The following GPAM variants were observed in gnomAD, a reference collection of about 807,000 sequenced individuals.
GPAM encodes glycerol-3-phosphate acyltransferase, mitochondrial.
GPAM carries 56 observed loss-of-function variants against 105.0 expected under a neutral mutation model. That is an observed-to-expected ratio of 0.53 (90% CI 0.43 to 0.67). The LOEUF (loss-of-function observed/expected upper bound fraction) is 0.67. Ranked by LOEUF, GPAM falls within the 30% of genes least tolerant of loss-of-function variation. The pLI is 0.00. For missense variants in GPAM, 855 were observed against 989.8 expected, an observed-to-expected ratio of 0.86 and a Z score of 1.83; for synonymous variants, 368 against 354.4, an observed-to-expected ratio of 1.04 and a Z score of -0.43.
rs963936075 is a variant in GPAM at position 112,150,056 on chromosome 10, T to A, written c.*3494A>T. The A allele has an allele frequency of 2.2e-5, 22 of 984,986 alleles. No homozygotes were observed. The highest frequency in any genetic ancestry group is 2.5e-5 in the Non-Finnish European group (21 of 829,508). The allele number at this position is 984,986 out of a possible 1,614,324, so 61.0% of individuals were successfully genotyped here. On this transcript the variant is annotated 3_prime_UTR_variant, in exon 22 of 22. Transcript: ENST00000348367. ...TTTGTACAACAGGCAAATAGTTTAA[T>A]ACCTTCCATCAAGACATTTCAGAGC...
chr10:112,152,145 T>C lies in GPAM; in HGVS notation c.*1405A>G, dbSNP rs749559842. On this transcript the variant is annotated 3_prime_UTR_variant, in exon 22 of 22. Coordinates refer to ENST00000348367, the MANE Select transcript of GPAM (RefSeq NM_001244949.2). Reference sequence around the variant, plus strand: ...ACAAACTTAATTCTCAGTACTTTTATACTAAATTCAAAGAATCTATGTAAC... The same window carrying C: ...ACAAACTTAATTCTCAGTACTTTTACACTAAATTCAAAGAATCTATGTAAC... 2.3e-4 allele frequency: 222 copies of C among 972,946 alleles called. No individual in the cohort carries two copies. Among genetic ancestry groups the C allele is most frequent in the Non-Finnish European group, 2.6e-4 (214 of 818,746 alleles). The allele number at this position is 972,946 out of a possible 1,614,324, so 60.3% of individuals were successfully genotyped here. A position where few individuals can be genotyped will look rare whatever the true frequency, so the allele number is the denominator to read the frequency against.
At chr10:112,210,212 C>T (rs1449628560) in intron 1 of GPAM, among the ~76,000 whole-genome samples, 2 of 152,212 alleles carry the variant, frequency 1.3e-5, no homozygotes. Flanking sequence ...CTCTTACGAG[C>T]TGTTGGGGGT....
At position 112,181,755 on chromosome 10, in the gene GPAM, T is replaced by A. The variant is rs766279613; in HGVS notation, c.30A>T (p.Thr10=). 1 of 1,608,348 alleles carries A rather than the reference T, an allele frequency of 6.2e-7. No homozygotes were observed. Among genetic ancestry groups the A allele is most frequent in the Non-Finnish European group, 8.5e-7 (1 of 1,174,844 alleles). ...AATGTGGCAGATAAGAAACATCTAT[T>A]GTACCAAGGGTCAGTGCAGATTCAT... MDESALTLG[T]IDVSYLPHSS... Residue 10 remains threonine, a synonymous_variant, in exon 3 of 22, where the codon ACA becomes ACT. Coordinates refer to ENST00000348367, the MANE Select transcript of GPAM (RefSeq NM_001244949.2).
At chr10:112,226,135 T>G in the GPAM span, among the ~76,000 whole-genome samples, 1 of 152,152 alleles carries the variant, frequency 6.6e-6, no homozygotes, top group Non-Finnish European at 1.5e-5. Flanking sequence ...TAGCTTGCAA[T>G]GTAGTTTAGC....
At chr10:112,208,795 A>G (rs1254150092) in intron 1 of GPAM, among the ~76,000 whole-genome samples, 1 of 152,240 alleles carries the variant, frequency 6.6e-6, no homozygotes, top group Non-Finnish European at 1.5e-5. Flanking sequence ...ATCATTTGAT[A>G]AAAGAAGTAA....
At position 112,153,492 on chromosome 10, in the gene GPAM, T is replaced by G; in HGVS notation, c.*58A>C. 1.2e-6 allele frequency: 2 copies of G among 1,611,690 alleles called. No homozygotes were observed. Among genetic ancestry groups the G allele is most frequent in the Non-Finnish European group, 1.7e-6 (2 of 1,178,736 alleles). On this transcript the variant is annotated 3_prime_UTR_variant, in exon 22 of 22. Coordinates refer to ENST00000348367, the MANE Select transcript of GPAM (RefSeq NM_001244949.2). ...CACCTTCAACTCTTGAGCCAGAAGC[T>G]GGTACCTACAAGGAACTCATCTCAT... is the stretch of plus-strand genomic sequence containing the variant.
At chr10:112,201,322 T>C (rs1184597575) in intron 1 of GPAM, among the ~76,000 whole-genome samples, 2 of 152,146 alleles carry the variant, frequency 1.3e-5, no homozygotes, top group African/African-American at 4.8e-5. Context: ...AGAACAAATA[T>C]CATAGAATAA....
chr10:112,181,171 T>C (rs1331357153), intron 3 of GPAM, among the ~76,000 whole-genome samples: 1 of 151,412 alleles, frequency 6.6e-6, no homozygotes, highest in Non-Finnish European at 1.5e-5. Context: ...AGATATAACA[T>C]TCTCAAAATT....
chr10:112,204,109 C>T (rs1847832166), intron 1 of GPAM, among the ~76,000 whole-genome samples: 1 of 152,190 alleles, frequency 6.6e-6, no homozygotes, highest in African/African-American at 2.4e-5. Flanking sequence ...CGTGCCTAAT[C>T]AGTGCCTCCA....
the GPAM span, among the ~76,000 whole-genome samples, chr10:112,220,627 T>C: frequency 6.6e-6 from 1 of 152,142 alleles, no homozygotes; most frequent in African/African-American, 2.4e-5. Context: ...TTGTATGTCA[T>C]CACTTGAGTA....
intron 7 of GPAM, 127 bp downstream of exon 7, chr10:112,173,572 A>T: frequency 1.1e-6 from 1 of 942,980 alleles, no homozygotes; most frequent in Non-Finnish European, 1.7e-6. Context: ...AGTTTAATTT[A>T]ATATCAGGAT....
intron 1 of GPAM, among the ~76,000 whole-genome samples, chr10:112,206,819 T>TA (rs201322165): frequency 1.3e-3 from 145 of 112,994 alleles, no homozygotes; most frequent in East Asian, 5.9e-3. Flanking sequence ...TAAAGTATAA[T>TA]AAAAAAAAAA....
chr10:112,217,768 C>T (rs865984778), upstream of GPAM, among the ~76,000 whole-genome samples: 11 of 152,128 alleles, frequency 7.2e-5, no homozygotes, highest in African/African-American at 9.7e-5. Context: ...GAATCAGAAA[C>T]TTTAGAGTAA....
At chr10:112,153,809 G>A in intron 21 of GPAM, 143 bp from the exon 22 acceptor site, 1 of 797,862 alleles carries the variant, frequency 1.3e-6, no homozygotes, top group Non-Finnish European at 2.0e-6. Context: ...GTAAATGTAT[G>A]CCTGGGTGTG....
intron 1 of GPAM, among the ~76,000 whole-genome samples, chr10:112,191,157 T>G (rs1847653773): frequency 1.3e-5 from 2 of 152,176 alleles, no homozygotes; most frequent in African/African-American, 4.8e-5. Flanking sequence ...AGACATAGTG[T>G]TCAAAGAATG....
At chr10:112,216,993 C>T (rs1490684673), upstream of GPAM, among the ~76,000 whole-genome samples, 1 of 152,058 alleles carries the variant, frequency 6.6e-6, no homozygotes, top group African/African-American at 2.4e-5. Context: ...TATATAACGT[C>T]TCATTGAAAT....
intron 1 of GPAM, among the ~76,000 whole-genome samples, chr10:112,209,765 G>A (rs146773642): frequency 6.6e-6 from 1 of 152,286 alleles, no homozygotes; most frequent in African/African-American, 2.4e-5. Context: ...TCATTTCTAT[G>A]GCAACCATCC....
intron 17 of GPAM, among the ~76,000 whole-genome samples, chr10:112,159,503 G>A (rs887475941): frequency 1.2e-4 from 18 of 152,092 alleles, no homozygotes; most frequent in African/African-American, 4.3e-4. Context: ...GATTACAGGC[G>A]TGAGCCACCG....
chr10:112,175,472 T>C (rs1847385956), intron 6 of GPAM, 128 bp downstream of exon 6: 10 of 704,368 alleles, frequency 1.4e-5, no homozygotes, highest in East Asian at 1.3e-4. Flanking sequence ...CATTTAATGT[T>C]TGGAAATGTG....
Sources: allele counts gnomAD v4.1 joint callset (sites outside exome capture counted in the v4.1 genomes callset), GRCh38; gene constraint gnomAD v4.1.1; transcripts MANE v1.5; gene names NCBI Gene and HGNC (gene_info 2026-07-23, HGNC 2026-07-21).